CEP41: variants seen among roughly 807,000 people sequenced by gnomAD.
CEP41 encodes centrosomal protein 41.
CEP41 carries 32 observed loss-of-function variants against 44.3 expected under a neutral mutation model. That is an observed-to-expected ratio of 0.72 (90% CI 0.54 to 0.97). The LOEUF (loss-of-function observed/expected upper bound fraction) is 0.97, where lower values mean the gene tolerates loss of function less well. CEP41 is among the 50% of genes least tolerant of loss of function. CEP41 has a pLI of 0.00. For synonymous variants in CEP41, 151 were observed against 168.5 expected (o/e 0.90, Z 0.80); for missense variants, 432 against 455.2 (o/e 0.95, Z 0.46).
At chr7:130,400,980 C>T in intron 8 of CEP41, 159 bp from the exon 9 acceptor site, 2 of 643,464 alleles carry the variant, frequency 3.1e-6, no homozygotes, top group Non-Finnish European at 5.6e-6. Flanking sequence ...TGGATGGTTT[C>T]CCATCATGGA....
chr7:130,410,029 C>CTTTTTTTTTTTTTTT (rs782636525), intron 5 of CEP41, among the ~76,000 whole-genome samples: 6 of 139,876 alleles, frequency 4.3e-5, no homozygotes, highest in African/African-American at 7.9e-5. Flanking sequence ...CCTCGGTCTT[C>CTTTTTTTTTTTTTTT]TTTTTTTTTT....
At position 130,435,788 on chromosome 7, in the gene CEP41, A is replaced by T. The variant is rs187610723; in HGVS notation, c.33+5146T>A. Among the ~76,000 whole-genome samples, 8 of 152,326 alleles carry T rather than the reference A, an allele frequency of 5.3e-5. No individual in the cohort carries two copies. The East Asian group carries it at 1.3e-3, about 26-fold the overall frequency. The stretch of plus-strand genomic sequence containing the variant: ...ACATCCACACAAAGAGTTATACCCA[A>T]ATGTCATCTTTATTTGTAATAGCCC... On this transcript the variant is annotated intron_variant, in intron 1 of 10. Coordinates refer to ENST00000223208, the MANE Select transcript of CEP41 (RefSeq NM_018718.3).
At chr7:130,411,988 G>T (rs1562984553) in intron 4 of CEP41, 191 bp downstream of exon 4, 1 of 576,682 alleles carries the variant, frequency 1.7e-6, no homozygotes, top group African/African-American at 1.9e-5. Flanking sequence ...TATCAAAGAA[G>T]AGAGAAACAT....
At chr7:130,401,619 G>A (rs1562977889) in intron 8 of CEP41, among the ~76,000 whole-genome samples, 2 of 151,926 alleles carry the variant, frequency 1.3e-5, no homozygotes, top group Admixed American at 6.5e-5. Flanking sequence ...TTTCTGGGAG[G>A]AAAAAAACTC....
chr7:130,436,607 A>G (rs559967165), intron 1 of CEP41, among the ~76,000 whole-genome samples: 2 of 147,952 alleles, frequency 1.4e-5, no homozygotes, highest in South Asian at 4.3e-4. Flanking sequence ...ATCATTGGGG[A>G]AAATGGGTGA....
At chr7:130,439,667 C>G (rs922125278) in intron 1 of CEP41, among the ~76,000 whole-genome samples, 2 of 152,194 alleles carry the variant, frequency 1.3e-5, no homozygotes, top group African/African-American at 4.8e-5. Context: ...TCTTGCAGGG[C>G]TTAGACTCAG....
chr7:130,438,901 A>T (rs1289258938), intron 1 of CEP41, among the ~76,000 whole-genome samples: 3 of 152,254 alleles, frequency 2.0e-5, no homozygotes, highest in Non-Finnish European at 4.4e-5. Context: ...ATGTGGAATG[A>T]TTAAATCAAA....
At chr7:130,413,467 A>C (rs1554420252) in intron 3 of CEP41, among the ~76,000 whole-genome samples, 2 of 151,964 alleles carry the variant, frequency 1.3e-5, no homozygotes, top group Admixed American at 6.6e-5. Context: ...TGTAATCCCA[A>C]CTACTCCAGA....
intron 1 of CEP41, among the ~76,000 whole-genome samples, chr7:130,434,218 T>C (rs1797899645): frequency 6.6e-6 from 1 of 152,252 alleles, no homozygotes; most frequent in Non-Finnish European, 1.5e-5. Flanking sequence ...GTACTTACTA[T>C]ATCATCAGGC....
chr7:130,395,096 A>G lies in CEP41; in HGVS notation c.*3795T>C, dbSNP rs1459373104. ...TTCTGCCTGAATTCAAGGCTGACAA[A>G]TTTCCACCATTACATTTTTTATGTT... On this transcript the variant is annotated 3_prime_UTR_variant, in exon 11 of 11. Coordinates refer to ENST00000223208, the MANE Select transcript of CEP41 (RefSeq NM_018718.3). The G allele has an allele frequency of 4.4e-6, 2 of 454,000 alleles. No homozygotes were observed. Among genetic ancestry groups the G allele is most frequent in the African/African-American group, 2.0e-5 (1 of 50,008 alleles). The allele number at this position is 454,000 out of a possible 1,614,324, so 28.1% of individuals were successfully genotyped here.
At chr7:130,427,701 A>T (rs1245858677) in intron 2 of CEP41, among the ~76,000 whole-genome samples, 1 of 152,174 alleles carries the variant, frequency 6.6e-6, no homozygotes, top group African/African-American at 2.4e-5. Flanking sequence ...AATGGTTTTG[A>T]TTTCTGGAAT....
intron 10 of CEP41, 200 bp downstream of exon 10, chr7:130,399,839 A>C: frequency 7.5e-6 from 4 of 536,386 alleles, no homozygotes; most frequent in Non-Finnish European, 6.7e-6. Context: ...AAAAGTCGCT[A>C]TGTTTTGATA....
Position 130,402,777 on chromosome 7 carries a change from G to A in CEP41, c.445C>T (p.Leu149=). ...LQSVISGVGE[L]DLDKGPVKKA... is the part of the protein sequence containing the mutation. ...TTCACTGGCCCTTTGTCTAGATCCA[G>A]TTCCCCAACACCACTGATGACACTG... The change falls in exon 7 of 11, where the codon CTG becomes TTG. Residue 149 remains leucine (L), a synonymous_variant. Coordinates refer to ENST00000223208, the MANE Select transcript of CEP41 (RefSeq NM_018718.3). 6.2e-7 allele frequency: 1 copy of A among 1,614,148 alleles called. No individual in the cohort carries two copies.
At chr7:130,402,624 A>C in intron 7 of CEP41, 24 bp downstream of exon 7, 2 of 1,613,556 alleles carry the variant, frequency 1.2e-6, no homozygotes, top group Non-Finnish European at 1.7e-6. Context: ...AGAGTGAGGC[A>C]CTTTAAAGCC....
chr7:130,421,206 T>A, intron 2 of CEP41: 1 of 985,214 alleles, frequency 1.0e-6, no homozygotes, highest in East Asian at 1.1e-4. Flanking sequence ...TGTTTTCCTA[T>A]AATTTAATAA....
intron 5 of CEP41, among the ~76,000 whole-genome samples, chr7:130,408,731 T>C (rs1797085104): frequency 6.6e-6 from 1 of 152,190 alleles, no homozygotes; most frequent in African/African-American, 2.4e-5. Context: ...GCAATTTATC[T>C]TCAGGGAATA....
chr7:130,394,788 T>C lies in CEP41; in HGVS notation c.*4103A>G, dbSNP rs1554413851. Reference sequence around the variant, plus strand: ...CATGAACACTTATTAAGGGCCACTGTCACAGGGTTGGTGATTTTCACTCTC... The same window carrying C: ...CATGAACACTTATTAAGGGCCACTGCCACAGGGTTGGTGATTTTCACTCTC... On this transcript the variant is annotated 3_prime_UTR_variant, in exon 11 of 11. Coordinates refer to ENST00000223208, the MANE Select transcript of CEP41 (RefSeq NM_018718.3). 1 of 454,144 alleles carries C rather than the reference T, an allele frequency of 2.2e-6. No homozygotes were observed. The highest frequency in any genetic ancestry group is 1.6e-5 in the South Asian group (1 of 64,482). 28.1% of individuals were successfully genotyped at this position (454,144 alleles called of 1,614,324 possible).
rs1554414561 is a variant in CEP41 at position 130,396,440 on chromosome 7, A to G, written c.*2451T>C. The G allele has an allele frequency of 2.2e-6, 1 of 454,550 alleles. No homozygotes were observed. Among genetic ancestry groups the G allele is most frequent in the Non-Finnish European group, 4.4e-6 (1 of 226,784 alleles). The allele number at this position is 454,550 out of a possible 1,614,324, so 28.2% of individuals were successfully genotyped here. A position where few individuals can be genotyped will look rare whatever the true frequency, so the allele number is the denominator to read the frequency against. ...ATGCTTTCCTAGGAGATGCAGCAAA[A>G]ATCACACCAGTCTCCTGTGGCTCCC... On this transcript the variant is annotated 3_prime_UTR_variant, in exon 11 of 11. Coordinates refer to ENST00000223208, the MANE Select transcript of CEP41 (RefSeq NM_018718.3).
At position 130,398,723 on chromosome 7, in the gene CEP41, G is replaced by A; in HGVS notation, c.*168C>T. 1.2e-6 allele frequency: 1 copy of A among 842,258 alleles called. No individual in the cohort carries two copies. The highest frequency in any genetic ancestry group is 2.0e-6 in the Non-Finnish European group (1 of 489,930). The allele number at this position is 842,258 out of a possible 1,614,324, so 52.2% of individuals were successfully genotyped here. On this transcript the variant is annotated 3_prime_UTR_variant, in exon 11 of 11. Transcript: ENST00000223208. ...ACCTGTCAAAATCCTTCCTGAGGTG[G>A]CCTCCTGAGGGGAGAGGAACTGGAG...
Sources: gnomAD v4.1 joint callset for allele counts (sites outside exome capture counted in the v4.1 genomes callset) on GRCh38, gnomAD v4.1.1 for gene constraint, MANE v1.5 for transcripts, NCBI Gene and HGNC (gene_info 2026-07-23, HGNC 2026-07-21) for gene names.